Variants in IL20RA observed in about 807,000 individuals in gnomAD.
IL20RA encodes the protein interleukin-20 receptor subunit alpha.
In IL20RA, 29 loss-of-function variants were observed where a neutral mutation model predicts 36.5. The observed-to-expected ratio is 0.79, with a 90% CI of 0.59 to 1.08. IL20RA has a LOEUF of 1.08. Ranked by LOEUF, IL20RA falls within the 50% of genes least tolerant of loss-of-function variation. IL20RA has a pLI of 0.00. For synonymous variants in IL20RA, 279 were observed against 267.1 expected (o/e 1.04, Z -0.43); for missense variants, 652 against 668.4 (o/e 0.98, Z 0.27).
chr6:137,013,746 AACCTTCCCAGCTAGGTTCATAGCCTGGCT>A (rs1174115368), intron 2 of IL20RA, among the ~76,000 whole-genome samples: 1 of 152,182 alleles, frequency 6.6e-6, no homozygotes, highest in African/African-American at 2.4e-5. Flanking sequence ...TATAATCTGT[AACCTTCCCAGCTAGGTTCATAGCCTGGCT>A]ATGAACTGGG....
chr6:137,000,747 C>CTAGT lies in IL20RA; in HGVS notation c.*807_*810dup, dbSNP rs1021522745. ...AACCTAGAGCTTTACCTAACACTTT[C>CTAGT]TAGTTTACAGACTATGTAAATATCT... On this transcript the variant is annotated 3_prime_UTR_variant, in exon 7 of 7. Transcript: ENST00000316649. 25 of 152,256 alleles carry CTAGT rather than the reference C, an allele frequency of 1.6e-4. No homozygotes were observed. The highest frequency in any genetic ancestry group is 5.8e-4 in the African/African-American group (24 of 41,558). 9.4% of individuals were successfully genotyped at this position (152,256 alleles called of 1,614,324 possible).
intron 1 of IL20RA, among the ~76,000 whole-genome samples, chr6:137,026,322 G>A (rs1388345452): frequency 3.3e-5 from 5 of 152,064 alleles, no homozygotes; most frequent in Non-Finnish European, 5.9e-5. Context: ...GGAACTCTTC[G>A]GGCTGACATA....
chr6:137,037,671 T>C (rs1320556233), intron 1 of IL20RA, among the ~76,000 whole-genome samples: 2 of 152,130 alleles, frequency 1.3e-5, no homozygotes, highest in Non-Finnish European at 2.9e-5. Flanking sequence ...ACCAGCAGTC[T>C]CATCATGATC....
In IL20RA at chr6:137,044,661, G is replaced by A. The variant is rs1776836970; in HGVS notation, c.68C>T (p.Ala23Val). 1 of 1,223,854 alleles carries A rather than the reference G, an allele frequency of 8.2e-7. No homozygotes were observed. The highest frequency in any genetic ancestry group is 1.0e-6 in the Non-Finnish European group (1 of 982,638). The allele number at this position is 1,223,854 out of a possible 1,614,324, so 75.8% of individuals were successfully genotyped here. The stretch of plus-strand genomic sequence containing the variant: ...CCTACCTGCCCGTCCCCAAGGCGCC[G>A]CCAGGAGCAACAGCAGCAGCGGCGG... The part of the protein sequence containing the change: ...PLPPLLLLLL[A>V]APWGRAVPCV... The change falls in exon 1 of 7, where the codon GCG (alanine) becomes GTG (valine). Residue 23 changes from alanine (A) to valine (V), a missense_variant. By Grantham distance (64) the Ala-to-Val change is moderately conservative. Coordinates refer to ENST00000316649, the MANE Select transcript of IL20RA (RefSeq NM_014432.4).
intron 1 of IL20RA, 78 bp from the exon 2 acceptor site, chr6:137,017,181 G>T: frequency 8.4e-7 from 1 of 1,188,986 alleles, no homozygotes; most frequent in African/African-American, 1.5e-5. Context: ...CTAGTCTCCA[G>T]AGATGGCCCC....
chr6:137,019,460 GAC>G (rs1775824850), intron 1 of IL20RA, among the ~76,000 whole-genome samples: 1 of 152,072 alleles, frequency 6.6e-6, no homozygotes, highest in South Asian at 2.1e-4. Context: ...GTAAAGAAAT[GAC>G]AGAGCTCTCA....
intron 5 of IL20RA, among the ~76,000 whole-genome samples, chr6:137,008,337 G>A (rs954464986): frequency 6.6e-6 from 1 of 152,210 alleles, no homozygotes; most frequent in Non-Finnish European, 1.5e-5. Context: ...GCAGGTGGCC[G>A]AAGGACCATG....
chr6:137,011,417 CA>C lies in IL20RA; in HGVS notation c.259del (p.Cys87AlafsTer47), dbSNP rs759397154. ...GQKKWLNKSE[C>X]RNINRTYCDL... ...ACAGTAGGTTCTATTGATATTTCTG[CA>C]TTCTGATTTATTCAGCCATTTCTTT... On this transcript the variant is annotated frameshift_variant, in exon 3 of 7. Coordinates refer to ENST00000316649, the MANE Select transcript of IL20RA (RefSeq NM_014432.4). LOFTEE classifies it high-confidence loss of function. 2.5e-6 allele frequency: 4 copies of C among 1,613,268 alleles called. No individual in the cohort carries two copies. The African/African-American group carries it at 4.0e-5, about 16-fold the overall frequency.
chr6:137,008,211 CT>C (rs1775342008), intron 5 of IL20RA, among the ~76,000 whole-genome samples: 1 of 152,198 alleles, frequency 6.6e-6, no homozygotes, highest in African/African-American at 2.4e-5. Flanking sequence ...GCCATCCTCC[CT>C]CCTTGGCCTC....
intron 1 of IL20RA, among the ~76,000 whole-genome samples, chr6:137,039,761 A>T (rs1194093895): frequency 1.3e-5 from 2 of 152,238 alleles, no homozygotes; most frequent in Non-Finnish European, 2.9e-5. Context: ...GAAGGGAGCC[A>T]CACTTGTCTG....
chr6:137,029,604 A>G (rs1403077416), intron 1 of IL20RA, among the ~76,000 whole-genome samples: 1 of 152,246 alleles, frequency 6.6e-6, no homozygotes, highest in Admixed American at 6.5e-5. Flanking sequence ...AGTAATGATC[A>G]TCATAGTAAC....
intron 5 of IL20RA, among the ~76,000 whole-genome samples, chr6:137,006,772 G>C (rs953546821): frequency 4.0e-5 from 6 of 151,624 alleles, no homozygotes; most frequent in African/African-American, 1.5e-4. Flanking sequence ...GCCCAGGCTG[G>C]AGTGCAGTGG....
chr6:137,011,803 T>C (rs938099307), intron 2 of IL20RA, among the ~76,000 whole-genome samples: 3 of 152,380 alleles, frequency 2.0e-5, no homozygotes, highest in Non-Finnish European at 2.9e-5. Context: ...TAGTCTACTA[T>C]GTACACGAGG....
intron 2 of IL20RA, among the ~76,000 whole-genome samples, chr6:137,011,823 C>T (rs937534564): frequency 6.6e-6 from 1 of 152,048 alleles, no homozygotes; most frequent in African/African-American, 2.4e-5. Context: ...GTCAGTTTGA[C>T]GGATTGTTTG....
chr6:137,020,721 T>C (rs972414611), intron 1 of IL20RA, among the ~76,000 whole-genome samples: 8 of 152,180 alleles, frequency 5.3e-5, no homozygotes, highest in Non-Finnish European at 1.2e-4. Flanking sequence ...TCATTGCAAA[T>C]ACGCTGACAA....
chr6:137,042,135 G>C (rs1037946212), intron 1 of IL20RA, among the ~76,000 whole-genome samples: 1 of 152,206 alleles, frequency 6.6e-6, no homozygotes, highest in African/African-American at 2.4e-5. Context: ...CATTCTAGCA[G>C]AGGGGCTGCC....
intron 4 of IL20RA, 62 bp downstream of exon 4, chr6:137,009,255 T>A: frequency 1.5e-6 from 2 of 1,345,404 alleles, no homozygotes; most frequent in Non-Finnish European, 2.1e-6. Context: ...TCAGGGTTGT[T>A]TGTTCCCACA....
intron 6 of IL20RA, among the ~76,000 whole-genome samples, chr6:137,004,085 T>C (rs1187812172): frequency 6.6e-6 from 1 of 152,078 alleles, no homozygotes; most frequent in East Asian, 1.9e-4. Flanking sequence ...TGGGACCTTG[T>C]ATAATCTGGT....
At chr6:137,038,983 C>T (rs1284317087) in intron 1 of IL20RA, among the ~76,000 whole-genome samples, 1 of 152,176 alleles carries the variant, frequency 6.6e-6, no homozygotes, top group Non-Finnish European at 1.5e-5. Flanking sequence ...AATGTTTATA[C>T]TAAAATCTTA....
Sources: allele counts gnomAD v4.1 joint callset (sites outside exome capture counted in the v4.1 genomes callset), GRCh38; gene constraint gnomAD v4.1.1; transcripts MANE v1.5; gene names NCBI Gene and HGNC (gene_info 2026-07-23, HGNC 2026-07-21).